The following RGS6 variants were observed in gnomAD, a reference collection of about 807,000 sequenced individuals.
RGS6 encodes the protein regulator of G-protein signaling 6.
Under a neutral mutation model 78.5 loss-of-function variants are expected in RGS6, and 30 were observed. That is an observed-to-expected ratio of 0.38 (90% CI 0.29 to 0.52). The LOEUF is 0.52. Ranked by LOEUF, RGS6 falls within the 20% of genes least tolerant of loss-of-function variation. The pLI is 0.85. For synonymous variants in RGS6, 206 were observed against 206.0 expected (o/e 1.00, Z 0.00); for missense variants, 495 against 609.7 (o/e 0.81, Z 1.98).
intron 2 of RGS6, among the ~76,000 whole-genome samples, chr14:72,323,954 G>C (rs1190606877): frequency 6.8e-6 from 1 of 146,084 alleles, no homozygotes; most frequent in Non-Finnish European, 1.5e-5. Flanking sequence ...GAGATATTTT[G>C]ATACAGACAT....
At chr14:72,406,268 C>T (rs2092920354) in intron 3 of RGS6, among the ~76,000 whole-genome samples, 1 of 152,102 alleles carries the variant, frequency 6.6e-6, no homozygotes, top group African/African-American at 2.4e-5. Flanking sequence ...CCTGTAGTCC[C>T]AGCTACTTGG....
chr14:72,207,205 A>C (rs74961168), intron 2 of RGS6, among the ~76,000 whole-genome samples: 1,664 of 152,334 alleles, frequency 0.011, 25 homozygotes, highest in African/African-American at 0.038. Flanking sequence ...TTTTTAAAAA[A>C]TGTAATTTTT....
chr14:72,353,521 C>T (rs1289647654), intron 3 of RGS6, among the ~76,000 whole-genome samples: 5 of 152,088 alleles, frequency 3.3e-5, no homozygotes, highest in African/African-American at 1.2e-4. Flanking sequence ...ATCACAAAAC[C>T]GTAGTGATAA....
intron 1 of RGS6, among the ~76,000 whole-genome samples, chr14:71,934,202 C>T (rs1566859175): frequency 6.6e-6 from 1 of 152,148 alleles, no homozygotes; most frequent in African/African-American, 2.4e-5. Context: ...AGCCAAATCT[C>T]GCATGCTATA....
chr14:71,949,225 C>A (rs2091994944), intron 1 of RGS6, among the ~76,000 whole-genome samples: 1 of 152,140 alleles, frequency 6.6e-6, no homozygotes, highest in Admixed American at 6.5e-5. Context: ...ATATGTTCAG[C>A]TTTATTCGAT....
chr14:72,326,097 T>G (rs751886036), intron 2 of RGS6, among the ~76,000 whole-genome samples: 2 of 152,220 alleles, frequency 1.3e-5, no homozygotes, highest in Non-Finnish European at 2.9e-5. Flanking sequence ...GTGAATGATG[T>G]ATGTACATGA....
chr14:72,349,034 C>G (rs2078615759), intron 2 of RGS6, among the ~76,000 whole-genome samples: 1 of 151,880 alleles, frequency 6.6e-6, no homozygotes, highest in African/African-American at 2.4e-5. Context: ...GGCGTGGTGG[C>G]AGGCGCCTGT....
chr14:71,986,385 C>T (rs2094711221), intron 2 of RGS6, among the ~76,000 whole-genome samples: 1 of 152,080 alleles, frequency 6.6e-6, no homozygotes. Context: ...CTATTGCTGC[C>T]ATAACAAATT....
At chr14:72,543,187 T>G (rs1284378821) in intron 17 of RGS6, among the ~76,000 whole-genome samples, 1 of 152,242 alleles carries the variant, frequency 6.6e-6, no homozygotes, top group Non-Finnish European at 1.5e-5. Context: ...GCCTACCATG[T>G]ACGTTCATCC....
intron 2 of RGS6, among the ~76,000 whole-genome samples, chr14:71,996,930 G>C (rs918307507): frequency 1.3e-5 from 2 of 152,184 alleles, no homozygotes; most frequent in African/African-American, 4.8e-5. Context: ...CAAGGTGGGG[G>C]CCTGGGCAGA....
intron 2 of RGS6, among the ~76,000 whole-genome samples, chr14:72,140,931 T>C (rs2096530720): frequency 6.6e-6 from 1 of 152,212 alleles, no homozygotes; most frequent in African/African-American, 2.4e-5. Flanking sequence ...GGAGAGGTTC[T>C]TTGACCATAC....
chr14:71,936,222 G>A (rs1173552852), intron 1 of RGS6, among the ~76,000 whole-genome samples: 1 of 151,858 alleles, frequency 6.6e-6, no homozygotes, highest in East Asian at 1.9e-4. Context: ...GCCAGTCCAA[G>A]TCTCAAAACT....
intron 3 of RGS6, among the ~76,000 whole-genome samples, chr14:72,394,569 C>A (rs1443321192): frequency 2.6e-5 from 4 of 152,204 alleles, no homozygotes; most frequent in Admixed American, 1.3e-4. Flanking sequence ...AGCAATATTT[C>A]TCCTATTTGC....
At chr14:72,282,299 T>A (rs1384630919) in intron 2 of RGS6, among the ~76,000 whole-genome samples, 3 of 152,244 alleles carry the variant, frequency 2.0e-5, no homozygotes, top group Non-Finnish European at 2.9e-5. Flanking sequence ...AAGTACCAAG[T>A]GATAAGCGTT....
chr14:71,958,643 C>T (rs551474604), intron 1 of RGS6, among the ~76,000 whole-genome samples: 34 of 73,042 alleles, frequency 4.7e-4, no homozygotes, highest in African/African-American at 2.1e-3. Flanking sequence ...TGCCTTAATA[C>T]ATGGGAAGCT....
intron 3 of RGS6, among the ~76,000 whole-genome samples, chr14:72,444,413 G>T (rs1026392355): frequency 6.6e-6 from 1 of 152,152 alleles, no homozygotes; most frequent in African/African-American, 2.4e-5. Context: ...AGTGGCCAAG[G>T]GCTTCCCCGC....
chr14:71,978,353 G>T (rs531951475), intron 2 of RGS6, among the ~76,000 whole-genome samples: 2 of 115,636 alleles, frequency 1.7e-5, no homozygotes, highest in East Asian at 2.5e-4. Flanking sequence ...TTTTCAAAGG[G>T]AATGCTGCCA....
intron 2 of RGS6, among the ~76,000 whole-genome samples, chr14:72,118,372 G>A (rs1023627126): frequency 2.0e-5 from 3 of 152,162 alleles, no homozygotes; most frequent in East Asian, 3.9e-4. Flanking sequence ...ACTACCCCAT[G>A]CCTTCATAAG....
At chr14:72,608,841 T>C in the RGS6 span, among the ~76,000 whole-genome samples, 2 of 152,164 alleles carry the variant, frequency 1.3e-5, no homozygotes, top group Non-Finnish European at 1.5e-5. Context: ...CCTGCAACCA[T>C]GAAAGCACTA....
Sources: allele counts gnomAD v4.1 joint callset (sites outside exome capture counted in the v4.1 genomes callset), GRCh38; gene constraint gnomAD v4.1.1; transcripts MANE v1.5; gene names NCBI Gene and HGNC (gene_info 2026-07-23, HGNC 2026-07-21).